The following WWOX variants were observed in gnomAD, a reference collection of about 807,000 sequenced individuals.
WWOX encodes the protein WW domain-containing oxidoreductase.
Under a neutral mutation model 46.2 loss-of-function variants are expected in WWOX, and 69 were observed. The ratio of observed to expected loss-of-function variants is 1.49; its 90% CI spans 1.23 to 1.82. The LOEUF (loss-of-function observed/expected upper bound fraction) is 1.82. Ranked by LOEUF, WWOX falls within the 40% of genes most tolerant of loss-of-function variation. The pLI, the probability that WWOX is intolerant of heterozygous loss-of-function variation, is 0.00. For missense variants in WWOX, 919 were observed against 542.6 expected (o/e 1.69, Z -6.89); for synonymous variants, 359 against 202.6 (o/e 1.77, Z -6.56).
intron 8 of WWOX, among the ~76,000 whole-genome samples, chr16:78,827,829 G>C (rs2051704961): frequency 6.6e-6 from 1 of 152,090 alleles, no homozygotes; most frequent in Admixed American, 6.6e-5. Flanking sequence ...CGGCAAGCAA[G>C]ACACCATTTC....
At chr16:78,290,931 GACTA>G (rs780877417) in intron 5 of WWOX, among the ~76,000 whole-genome samples, 2 of 152,138 alleles carry the variant, frequency 1.3e-5, no homozygotes, top group Admixed American at 1.3e-4. Context: ...ATTCCTGTAA[GACTA>G]ACTAAGAAAG....
chr16:78,742,693 T>C (rs1208320108), intron 8 of WWOX, among the ~76,000 whole-genome samples: 1 of 152,208 alleles, frequency 6.6e-6, no homozygotes, highest in Non-Finnish European at 1.5e-5. Flanking sequence ...CGTTCTGCCC[T>C]GCGGTTTCAG....
At chr16:78,278,427 T>C (rs1399607835) in intron 5 of WWOX, among the ~76,000 whole-genome samples, 4 of 152,336 alleles carry the variant, frequency 2.6e-5, no homozygotes, top group Non-Finnish European at 4.4e-5. Flanking sequence ...TTTTGATATA[T>C]ATTTGTTGGT....
chr16:78,721,797 C>G (rs564686641), intron 8 of WWOX, among the ~76,000 whole-genome samples: 115 of 152,298 alleles, frequency 7.6e-4, no homozygotes, highest in Non-Finnish European at 1.4e-3. Context: ...CGAAGATACC[C>G]CCGACTTCCT....
At chr16:78,756,917 C>G (rs1241198114) in intron 8 of WWOX, 3 of 702,936 alleles carry the variant, frequency 4.3e-6, no homozygotes, top group East Asian at 2.7e-5. Context: ...TTCTGCCTTA[C>G]TGATGTGGAT....
In WWOX at chr16:79,023,597, G is replaced by A. The variant is rs1019944823; in HGVS notation, c.1057-188011G>A. On this transcript the variant is annotated intron_variant, in intron 8 of 8. Coordinates refer to ENST00000566780, the MANE Select transcript of WWOX (RefSeq NM_016373.4). ...CATGTGTGTGTTAAAAAGGAATGAC[G>A]TTTTGGTCTGTGCTACAACTGGGAT... is the stretch of plus-strand genomic sequence containing the variant. 1.1e-4 allele frequency among the ~76,000 whole-genome samples: 17 copies of A among 152,214 alleles called. No homozygotes were observed. In the South Asian group the frequency reaches 1.2e-3, roughly 11 times the overall value.
intron 8 of WWOX, among the ~76,000 whole-genome samples, chr16:78,618,042 A>C (rs1431868270): frequency 6.6e-6 from 1 of 152,174 alleles, no homozygotes; most frequent in African/African-American, 2.4e-5. Flanking sequence ...GTTCAGTGCT[A>C]TTCATGTGTT....
At chr16:78,886,319 T>A (rs1009078211) in intron 8 of WWOX, among the ~76,000 whole-genome samples, 3 of 151,710 alleles carry the variant, frequency 2.0e-5, no homozygotes, top group Admixed American at 6.6e-5. Flanking sequence ...GCCTCATGAA[T>A]CTCTGAGTAC....
At chr16:78,335,014 G>T (rs2080855098) in intron 5 of WWOX, among the ~76,000 whole-genome samples, 1 of 151,928 alleles carries the variant, frequency 6.6e-6, no homozygotes, top group Admixed American at 6.6e-5. Context: ...AGTAGCCCCT[G>T]GACCTGCAGT....
chr16:79,006,790 C>G (rs1400569929), intron 8 of WWOX, among the ~76,000 whole-genome samples: 3 of 152,242 alleles, frequency 2.0e-5, no homozygotes, highest in Admixed American at 1.3e-4. Flanking sequence ...TCCCTTTCCT[C>G]CATCTTCAAA....
chr16:78,976,046 C>T (rs1005239539), intron 8 of WWOX, among the ~76,000 whole-genome samples: 3 of 152,180 alleles, frequency 2.0e-5, no homozygotes, highest in African/African-American at 7.2e-5. Context: ...AGCCAGCGCC[C>T]CGCTCTGGGC....
chr16:78,930,189 C>G (rs1342783793), intron 8 of WWOX, among the ~76,000 whole-genome samples: 2 of 149,246 alleles, frequency 1.3e-5, no homozygotes. Context: ...TACACCATAC[C>G]CCAGAGCCTG....
intron 8 of WWOX, among the ~76,000 whole-genome samples, chr16:79,122,186 T>G (rs1383828654): frequency 6.6e-6 from 1 of 152,088 alleles, no homozygotes; most frequent in Non-Finnish European, 1.5e-5. Flanking sequence ...TCTAAACCTC[T>G]GTGAAGTTGT....
intron 8 of WWOX, among the ~76,000 whole-genome samples, chr16:78,720,583 G>A (rs1358284709): frequency 6.6e-6 from 1 of 151,482 alleles, no homozygotes; most frequent in Non-Finnish European, 1.5e-5. Context: ...CAGATGTTCA[G>A]GATTTCAGAC....
intron 8 of WWOX, among the ~76,000 whole-genome samples, chr16:79,083,165 A>G (rs1424187155): frequency 6.6e-6 from 1 of 152,158 alleles, no homozygotes; most frequent in Admixed American, 6.5e-5. Flanking sequence ...AGTCCCTAAC[A>G]CTGCGGTTCC....
intron 5 of WWOX, among the ~76,000 whole-genome samples, chr16:78,319,576 C>T (rs2080423558): frequency 6.6e-6 from 1 of 152,132 alleles, no homozygotes; most frequent in Non-Finnish European, 1.5e-5. Flanking sequence ...CCCTTCAGAT[C>T]CCAGTTGGTC....
At chr16:78,914,169 C>T (rs953567407) in intron 8 of WWOX, among the ~76,000 whole-genome samples, 1 of 152,042 alleles carries the variant, frequency 6.6e-6, no homozygotes, top group Non-Finnish European at 1.5e-5. Flanking sequence ...TTCTCTATCC[C>T]ATAACTCTAT....
At position 78,809,113 on chromosome 16, in the gene WWOX, G is replaced by T. The variant is rs146726414; in HGVS notation, c.1056+376361G>T. On this transcript the variant is annotated intron_variant, in intron 8 of 8. Coordinates refer to ENST00000566780, the MANE Select transcript of WWOX (RefSeq NM_016373.4). ...CGGCGTTCTGCACACAGAGTGGGCT[G>T]TTTCTGTCTGTTCTCCCCCTGCACC... 8.3e-3 allele frequency among the ~76,000 whole-genome samples: 1,261 copies of T among 152,116 alleles called. 9 individuals are homozygous for T. The highest frequency in any genetic ancestry group is 0.012 in the Non-Finnish European group (836 of 67,998).
rs980872173 is a variant in WWOX at position 78,867,606 on chromosome 16, T to A, written c.1057-344002T>A. On this transcript the variant is annotated intron_variant, in intron 8 of 8. Transcript: ENST00000566780. ...CCCAGGCTGGAGTGCCTTGGTGCAA[T>A]CTCAGTTCACTGCAACTACAACATC... Among the ~76,000 whole-genome samples the A allele has an allele frequency of 2.0e-5, 3 of 152,038 alleles. No individual in the cohort carries two copies. In the East Asian group the frequency reaches 5.8e-4, roughly 30 times the overall value.
Sources: allele counts gnomAD v4.1 joint callset (sites outside exome capture counted in the v4.1 genomes callset), GRCh38; gene constraint gnomAD v4.1.1; transcripts MANE v1.5; gene names NCBI Gene and HGNC (gene_info 2026-07-23, HGNC 2026-07-21).